SBNO2: variants seen among roughly 807,000 people sequenced by gnomAD.
SBNO2 encodes protein strawberry notch homolog 2.
In SBNO2, 89 loss-of-function variants were observed where a neutral mutation model predicts 146.3. The ratio of observed to expected loss-of-function variants is 0.61; its 90% CI spans 0.51 to 0.73. The LOEUF (loss-of-function observed/expected upper bound fraction) is 0.73, where lower values mean the gene tolerates loss of function less well. Among genes scored for constraint, SBNO2 ranks in the 30% least tolerant of loss-of-function variants. The pLI is 0.00. For synonymous variants in SBNO2, 1,147 were observed against 892.6 expected, an observed-to-expected ratio of 1.29 and a Z score of -5.08; for missense variants, 2,092 against 2,003.7, an observed-to-expected ratio of 1.04 and a Z score of -0.84.
chr19:1,129,603 G>T (rs999047673), intron 4 of SBNO2, among the ~76,000 whole-genome samples: 1 of 152,080 alleles, frequency 6.6e-6, no homozygotes, highest in African/African-American at 2.4e-5. Context: ...GGCCCACGAG[G>T]GCCCTCCGGA....
intron 4 of SBNO2, among the ~76,000 whole-genome samples, chr19:1,141,001 A>G (rs1476112125): frequency 1.3e-5 from 2 of 149,152 alleles, no homozygotes; most frequent in African/African-American, 5.1e-5. Context: ...TGGAGAAGAC[A>G]CACCCTGGAG....
chr19:1,116,400 G>T (rs2079832535), intron 16 of SBNO2, among the ~76,000 whole-genome samples: 2 of 151,272 alleles, frequency 1.3e-5, no homozygotes, highest in African/African-American at 4.9e-5. Context: ...TGAAGGGGTA[G>T]CTGGGGGCAT....
At chr19:1,152,034 G>T (rs1405651867) in intron 2 of SBNO2, among the ~76,000 whole-genome samples, 1 of 152,170 alleles carries the variant, frequency 6.6e-6, no homozygotes, top group African/African-American at 2.4e-5. Flanking sequence ...GAACTCAGTC[G>T]ACCCTGCCCA....
chr19:1,147,331 G>A lies in SBNO2; in HGVS notation c.257C>T (p.Pro86Leu). The change falls in exon 4 of 32, where the codon CCA becomes CTA. Residue 86 changes from proline (P) to leucine (L), a missense_variant. Physicochemically the swap from Pro to Leu is moderately conservative, Grantham distance 98. Transcript: ENST00000361757. The stretch of plus-strand genomic sequence containing the variant: ...TACCTGAGCAAAGTCGCAGGTCTTT[G>A]GTGGCAAGCTGGAGGCGGTGGCCAC... ...APVATASSLP[P>L]KTCDFAQDSS... 6.3e-7 allele frequency: 1 copy of A among 1,578,054 alleles called. No homozygotes were observed. The highest frequency in any genetic ancestry group is 8.6e-7 in the Non-Finnish European group (1 of 1,165,172).
At position 1,113,652 on chromosome 19, in the gene SBNO2, C is replaced by T; in HGVS notation, c.2130G>A (p.Arg710=). ...GCAGATCCTGCTTCAGCCGCTCCAC[C>T]CGCTCCAGGACCCCGGGGCCATGCG... is the stretch of plus-strand genomic sequence containing the variant. ...RDPHGPGVLE[R]VERLKQDLLD... is the part of the protein sequence containing the mutation. The change falls in exon 19 of 32, where the codon CGG becomes CGA. Residue 710 remains arginine, a synonymous_variant. Transcript: ENST00000361757. 1 of 1,598,362 alleles carries T rather than the reference C, an allele frequency of 6.3e-7. No individual in the cohort carries two copies. Among genetic ancestry groups the T allele is most frequent in the Non-Finnish European group, 8.5e-7 (1 of 1,173,716 alleles).
chr19:1,141,012 A>T (rs1375758584), intron 4 of SBNO2, among the ~76,000 whole-genome samples: 2 of 151,960 alleles, frequency 1.3e-5, no homozygotes, highest in Non-Finnish European at 2.9e-5. Context: ...CACCCTGGAG[A>T]AGACACACCC....
At chr19:1,132,686 A>G (rs1199237183) in intron 4 of SBNO2, among the ~76,000 whole-genome samples, 2 of 150,994 alleles carry the variant, frequency 1.3e-5, no homozygotes, top group African/African-American at 4.9e-5. Flanking sequence ...TCCCCACCCC[A>G]CCCCTGCAGG....
chr19:1,108,479 G>T lies in SBNO2; in HGVS notation c.3842C>A (p.Ser1281Tyr). 8.2e-7 allele frequency: 1 copy of T among 1,222,382 alleles called. No individual in the cohort carries two copies. The highest frequency in any genetic ancestry group is 1.0e-6 in the Non-Finnish European group (1 of 977,870). 75.7% of individuals were successfully genotyped at this position (1,222,382 alleles called of 1,614,324 possible). Residue 1281 changes from serine to tyrosine, a missense_variant, in exon 32 of 32, where the codon TCC (serine) becomes TAC (tyrosine). Physicochemically the swap from Ser to Tyr is moderately radical, Grantham distance 144. Transcript: ENST00000361757. ...PPHFSFPAPL[S>Y]LDAGPGVVPL... ...CACGACGCCGGGGCCGGCGTCCAGGGACAGCGGCGCCGGGAAAGAGAAGTG... is the reference window on the plus strand; with the variant it reads ...CACGACGCCGGGGCCGGCGTCCAGGTACAGCGGCGCCGGGAAAGAGAAGTG...
chr19:1,145,173 A>G (rs1262159351), intron 4 of SBNO2, among the ~76,000 whole-genome samples: 2 of 151,810 alleles, frequency 1.3e-5, no homozygotes, highest in African/African-American at 4.8e-5. Flanking sequence ...AGACAGAGAA[A>G]AGAAAGAGAC....
At chr19:1,115,884 A>G (rs1444831705) in intron 17 of SBNO2, 137 bp downstream of exon 17, 2 of 746,342 alleles carry the variant, frequency 2.7e-6, no homozygotes, top group Admixed American at 2.0e-5. Context: ...CGGAGCCTTG[A>G]GCCTGCCTGG....
chr19:1,172,666 G>A (rs534421560), intron 1 of SBNO2, among the ~76,000 whole-genome samples: 6 of 152,106 alleles, frequency 3.9e-5, no homozygotes. Context: ...TAATCCCCGT[G>A]TAATCGGGCT....
In SBNO2 at chr19:1,154,169, G is replaced by T. The variant is rs551163865; in HGVS notation, c.93+15C>A. The T allele has an allele frequency of 1.5e-5, 18 of 1,189,436 alleles. No homozygotes were observed. Among genetic ancestry groups the T allele is most frequent in the Non-Finnish European group, 1.9e-5 (18 of 947,962 alleles). The allele number at this position is 1,189,436 out of a possible 1,614,324, so 73.7% of individuals were successfully genotyped here. On this transcript the variant is annotated intron_variant, in intron 2 of 31. Transcript: ENST00000361757. ...GGACCCCGTCGGGTGGGCCGGGGCC[G>T]GGGGTGGGGCTCACCTGCAGGGGCG... is the stretch of plus-strand genomic sequence containing the variant.
At chr19:1,147,890 C>T (rs4072413) in intron 3 of SBNO2, among the ~76,000 whole-genome samples, 8,290 of 152,230 alleles carry the variant, frequency 0.054, 410 homozygotes, top group East Asian at 0.27. Flanking sequence ...CGGAACCCCC[C>T]GCCCTGTCAC....
intron 14 of SBNO2, among the ~76,000 whole-genome samples, chr19:1,118,652 T>G (rs1476168735): frequency 1.3e-5 from 2 of 152,192 alleles, no homozygotes; most frequent in African/African-American, 2.4e-5. Context: ...GCAGATCACT[T>G]GCGGTCAGGA....
chr19:1,122,446 C>T (rs980863008), intron 10 of SBNO2, 22 bp downstream of exon 10: 1 of 1,560,744 alleles, frequency 6.4e-7, no homozygotes, highest in African/African-American at 1.4e-5. Flanking sequence ...TTGCCCCCTA[C>T]TTTGCCGAGC....
chr19:1,169,588 G>T (rs967574501), intron 1 of SBNO2, among the ~76,000 whole-genome samples: 2 of 152,148 alleles, frequency 1.3e-5, no homozygotes, highest in African/African-American at 4.8e-5. Context: ...AGGGGCCCCC[G>T]GGGGGTGGGG....
At position 1,120,011 on chromosome 19, in the gene SBNO2, C is replaced by T. The variant is rs2079881510; in HGVS notation, c.1162G>A (p.Glu388Lys). The T allele has an allele frequency of 6.4e-7, 1 of 1,551,176 alleles. No individual in the cohort carries two copies. ...EAFEGVIVFD[E>K]CHKAKNAGST... ...CCGGCATTCTTGGCTTTGTGACACT[C>T]GTCGAACACGATCTGAGGCACACGT... The change falls in exon 12 of 32, where the codon GAG becomes AAG. Residue 388 changes from glutamate (E) to lysine (K), a missense_variant. Physicochemically the swap from Glu to Lys is moderately conservative, Grantham distance 56 (BLOSUM62 1). Coordinates refer to ENST00000361757, the MANE Select transcript of SBNO2 (RefSeq NM_014963.3).
rs2079864523 is a variant in SBNO2, at chr19:1,118,908, G to A, written c.1527+103C>T. 5 of 1,226,572 alleles carry A rather than the reference G, an allele frequency of 4.1e-6. No homozygotes were observed. In the South Asian group the frequency reaches 4.2e-5, roughly 10 times the overall value. 76.0% of individuals were successfully genotyped at this position (1,226,572 alleles called of 1,614,324 possible). ...AAAAAAAACCCCAGGACAGGACAGG[G>A]CGGGCCGTCACCTGATGACGCCTGT... On this transcript the variant is annotated intron_variant, in intron 14 of 31. Coordinates refer to ENST00000361757, the MANE Select transcript of SBNO2 (RefSeq NM_014963.3).
At position 1,157,627 on chromosome 19, in the gene SBNO2, C is replaced by A. The variant is rs966453495; in HGVS notation, c.-126-3225G>T. Among the ~76,000 whole-genome samples, 1 of 152,206 alleles carries A rather than the reference C, an allele frequency of 6.6e-6. No individual in the cohort carries two copies. The highest frequency in any genetic ancestry group is 1.5e-5 in the Non-Finnish European group (1 of 68,032). On this transcript the variant is annotated intron_variant, in intron 1 of 31. Transcript: ENST00000361757. This position sits in a 1 kb window ranked among gnomAD's most constrained non-coding sequence, Gnocchi z 6.8. ...TGGGAGGGGGCCCGCGCTTTATCAG[C>A]ACGCTGACACCCAGAGGGGATGTGG...
Sources: gnomAD v4.1 joint callset for allele counts (sites outside exome capture counted in the v4.1 genomes callset) on GRCh38, gnomAD v4.1.1 for gene constraint, Gnocchi (gnomAD v3.1) non-coding constraint, MANE v1.5 for transcripts, NCBI Gene and HGNC (gene_info 2026-07-23, HGNC 2026-07-21) for gene names.